Variants in SLC4A10 observed in about 807,000 individuals in gnomAD.
SLC4A10 encodes the protein solute carrier family 4 member 10, also known as sodium-driven chloride bicarbonate exchanger.
SLC4A10 carries 42 observed loss-of-function variants against 137.7 expected under a neutral mutation model. The ratio of observed to expected loss-of-function variants is 0.30; its 90% CI spans 0.24 to 0.39. The LOEUF is 0.39. SLC4A10 is among the 10% of genes least tolerant of loss of function. The probability of loss-of-function intolerance (pLI) is 1.00; values close to 1 mark genes in which losing one functional copy is unlikely to be tolerated. For synonymous variants in SLC4A10, 474 were observed against 464.1 expected, an observed-to-expected ratio of 1.02 and a Z score of -0.27; for missense variants, 925 against 1,355.0, an observed-to-expected ratio of 0.68 and a Z score of 4.98.
intron 23 of SLC4A10, among the ~76,000 whole-genome samples, chr2:161,971,990 TG>T (rs1386142795): frequency 1.3e-5 from 2 of 152,258 alleles, no homozygotes; most frequent in East Asian, 3.8e-4. Flanking sequence ...TCCAATTTTT[TG>T]CTGTTAGATT....
intron 1 of SLC4A10, chr2:161,710,526 TCTATTA>T (rs2044165015): frequency 9.8e-6 from 2 of 205,124 alleles, no homozygotes; most frequent in East Asian, 2.3e-4. Context: ...GAAATTTTTC[TCTATTA>T]CTATTTCAAA....
intron 1 of SLC4A10, among the ~76,000 whole-genome samples, chr2:161,677,219 A>G (rs2105826888): frequency 6.6e-6 from 1 of 152,208 alleles, no homozygotes; most frequent in South Asian, 2.1e-4. Flanking sequence ...CTCCCTCACT[A>G]TGTGACCTCT....
chr2:161,976,488 T>G (rs1699398329), intron 24 of SLC4A10, among the ~76,000 whole-genome samples: 2 of 152,166 alleles, frequency 1.3e-5, no homozygotes, highest in Non-Finnish European at 2.9e-5. Context: ...TTAGTGGGTA[T>G]GGAGTTCCAG....
chr2:161,697,964 G>A (rs992031947), intron 1 of SLC4A10, among the ~76,000 whole-genome samples: 4 of 152,146 alleles, frequency 2.6e-5, no homozygotes, highest in African/African-American at 7.2e-5. Flanking sequence ...CCATTTGTTT[G>A]TGTCCTCTTT....
intron 1 of SLC4A10, among the ~76,000 whole-genome samples, chr2:161,685,561 T>A (rs2041301946): frequency 6.6e-6 from 1 of 151,842 alleles, no homozygotes; most frequent in Non-Finnish European, 1.5e-5. Context: ...TGAGCCGAAA[T>A]CGTGCCACTG....
chr2:161,908,200 C>T (rs1684901352), intron 15 of SLC4A10, among the ~76,000 whole-genome samples: 1 of 151,800 alleles, frequency 6.6e-6, no homozygotes, highest in African/African-American at 2.4e-5. Context: ...TGTCAGGTCG[C>T]AGAAGGCAAG....
chr2:161,918,190 C>T (rs1687470829), intron 15 of SLC4A10, among the ~76,000 whole-genome samples: 1 of 152,154 alleles, frequency 6.6e-6, no homozygotes, highest in South Asian at 2.1e-4. Context: ...GAGTCTCTCT[C>T]TGTCACCCAG....
intron 10 of SLC4A10, among the ~76,000 whole-genome samples, chr2:161,890,204 C>T (rs1479285282): frequency 6.6e-6 from 1 of 152,052 alleles, no homozygotes; most frequent in African/African-American, 2.4e-5. Flanking sequence ...TGTTTTACTT[C>T]CAATTATGTG....
intron 8 of SLC4A10, among the ~76,000 whole-genome samples, chr2:161,877,337 T>A: frequency 6.6e-6 from 1 of 152,178 alleles, no homozygotes; most frequent in African/African-American, 2.4e-5. Flanking sequence ...TTTTGTTCAG[T>A]ATATTTATAT....
At position 161,875,403 on chromosome 2, in the gene SLC4A10, A is replaced by G. The variant is rs774423154; in HGVS notation, c.948+1398A>G. ...ATTCCAAACATTTTGAGGTGTTAAG[A>G]AAAAAAAGGTCTTTATTCATCTTAT... On this transcript the variant is annotated intron_variant, in intron 8 of 26. Coordinates refer to ENST00000446997, the MANE Select transcript of SLC4A10 (RefSeq NM_001178015.2). Among the ~76,000 whole-genome samples the G allele has an allele frequency of 3.2e-4, 48 of 152,006 alleles. 1 individual carries two copies. Among genetic ancestry groups the G allele is most frequent in the Non-Finnish European group, 6.0e-4 (41 of 67,954 alleles).
intron 1 of SLC4A10, among the ~76,000 whole-genome samples, chr2:161,685,940 G>A (rs957941414): frequency 1.3e-5 from 2 of 152,096 alleles, no homozygotes; most frequent in Non-Finnish European, 2.9e-5. Context: ...TGCCTTCAAG[G>A]AGGTCATAGT....
intron 1 of SLC4A10, among the ~76,000 whole-genome samples, chr2:161,743,188 T>C (rs898603626): frequency 3.3e-5 from 5 of 152,206 alleles, no homozygotes; most frequent in Non-Finnish European, 7.3e-5. Context: ...CAAGAAATCT[T>C]TGCCCAGACT....
rs375166361 is a variant in SLC4A10, at chr2:161,966,402, ATTAT to A, written c.3159+1236_3159+1239del. On this transcript the variant is annotated intron_variant, in intron 23 of 26. Coordinates refer to ENST00000446997, the MANE Select transcript of SLC4A10 (RefSeq NM_001178015.2). ...CAAAAAATGATATTATACAATTGTTATTATTTATTTTTCTGTTTGATATATTTTT... is the reference window on the plus strand; with the variant it reads ...CAAAAAATGATATTATACAATTGTTATTATTTTTCTGTTTGATATATTTTT... Among the ~76,000 whole-genome samples, 26 of 152,194 alleles carry A rather than the reference ATTAT, an allele frequency of 1.7e-4. No homozygotes were observed. The East Asian group carries it at 5.1e-3, about 30-fold the overall frequency.
chr2:161,846,893 G>A (rs1399553719), intron 4 of SLC4A10, among the ~76,000 whole-genome samples: 1 of 152,094 alleles, frequency 6.6e-6, no homozygotes, highest in East Asian at 1.9e-4. Context: ...AGCTTCGTAT[G>A]TTGATTGTGG....
intron 8 of SLC4A10, 131 bp downstream of exon 8, chr2:161,874,136 C>A (rs2125932555): frequency 2.2e-6 from 2 of 918,180 alleles, no homozygotes; most frequent in South Asian, 1.7e-5. Context: ...CTTTTTAAAG[C>A]ATTGCATCTT....
intron 15 of SLC4A10, among the ~76,000 whole-genome samples, chr2:161,906,848 A>G (rs1684505953): frequency 5.3e-5 from 8 of 152,048 alleles, no homozygotes; most frequent in Admixed American, 5.2e-4. Context: ...AGGTCAGGAG[A>G]TCGAGACCAT....
At chr2:161,876,586 A>C (rs1054586866) in intron 8 of SLC4A10, among the ~76,000 whole-genome samples, 5 of 152,042 alleles carry the variant, frequency 3.3e-5, no homozygotes, top group Non-Finnish European at 7.4e-5. Context: ...GCTGAAATGG[A>C]AGGATCAGGA....
At chr2:161,844,409 T>A (rs1003157374) in intron 4 of SLC4A10, among the ~76,000 whole-genome samples, 9 of 152,088 alleles carry the variant, frequency 5.9e-5, no homozygotes, top group African/African-American at 2.2e-4. Context: ...GTATATCATT[T>A]CCCCTTAAGA....
intron 1 of SLC4A10, among the ~76,000 whole-genome samples, chr2:161,723,515 A>G (rs2045915657): frequency 6.6e-6 from 1 of 152,208 alleles, no homozygotes; most frequent in Non-Finnish European, 1.5e-5. Context: ...ATATACGCAC[A>G]GTTCCTGGCA....
Sources: gnomAD v4.1 joint callset for allele counts (sites outside exome capture counted in the v4.1 genomes callset) on GRCh38, gnomAD v4.1.1 for gene constraint, MANE v1.5 for transcripts, NCBI Gene and HGNC (gene_info 2026-07-23, HGNC 2026-07-21) for gene names.